Variants in HHIP observed in about 807,000 individuals in gnomAD.
HHIP encodes the protein hedgehog-interacting protein.
In HHIP, 12 loss-of-function variants were observed where a neutral mutation model predicts 74.0. That is an observed-to-expected ratio of 0.16 (90% CI 0.10 to 0.26). The LOEUF (loss-of-function observed/expected upper bound fraction) is 0.26, where lower values mean the gene tolerates loss of function less well. Among genes scored for constraint, HHIP ranks in the 10% least tolerant of loss-of-function variants. The pLI is 1.00. For synonymous variants in HHIP, 309 were observed against 311.6 expected, an observed-to-expected ratio of 0.99 and a Z score of 0.09; for missense variants, 788 against 845.0, an observed-to-expected ratio of 0.93 and a Z score of 0.84.
chr4:144,647,376 T>G (rs1728296535), intron 1 of HHIP: 1 of 164,878 alleles, frequency 6.1e-6, no homozygotes, highest in Non-Finnish European at 1.3e-5. Flanking sequence ...ACGTGCTCGG[T>G]TAGGGAGAGG....
chr4:144,721,607 A>C (rs1730636097), intron 11 of HHIP, among the ~76,000 whole-genome samples: 1 of 152,022 alleles, frequency 6.6e-6, no homozygotes, highest in Admixed American at 6.5e-5. Context: ...AAAAAAAAAA[A>C]AAAAACTTCC....
At chr4:144,650,454 C>T (rs1399695552) in intron 1 of HHIP, among the ~76,000 whole-genome samples, 3 of 151,964 alleles carry the variant, frequency 2.0e-5, no homozygotes, top group Non-Finnish European at 4.4e-5. Flanking sequence ...TTAAGATTGA[C>T]GGCATCATCA....
intron 1 of HHIP, among the ~76,000 whole-genome samples, chr4:144,651,326 G>C (rs1227289687): frequency 6.6e-6 from 1 of 151,924 alleles, no homozygotes; most frequent in Admixed American, 6.6e-5. Context: ...TCCAAAATAT[G>C]ATAACTTCTA....
chr4:144,701,448 C>A (rs1364271435), intron 4 of HHIP, among the ~76,000 whole-genome samples: 2 of 151,586 alleles, frequency 1.3e-5, no homozygotes, highest in Admixed American at 1.3e-4. Flanking sequence ...TTTGACCATG[C>A]ACATTTCTAA....
chr4:144,680,650 A>G (rs747129553), intron 4 of HHIP, among the ~76,000 whole-genome samples: 51 of 152,218 alleles, frequency 3.4e-4, no homozygotes, highest in Non-Finnish European at 5.6e-4. Context: ...TTTGCCATTC[A>G]TTGATGAATT....
intron 4 of HHIP, among the ~76,000 whole-genome samples, chr4:144,680,232 C>T (rs1353096492): frequency 1.3e-5 from 2 of 151,554 alleles, no homozygotes; most frequent in African/African-American, 4.9e-5. Context: ...CCTCACTGTG[C>T]TTTACCAAAA....
chr4:144,715,446 G>A lies in HHIP; in HGVS notation c.1678+16G>A, dbSNP rs1578719592. ...GATGAACTAGGTACTGTACAATCTA[G>A]TTCTGTTAAGTTTCATTCTCACTTC... On this transcript the variant is annotated intron_variant, in intron 10 of 12. Coordinates refer to ENST00000296575, the MANE Select transcript of HHIP (RefSeq NM_022475.3). 6.2e-7 allele frequency: 1 copy of A among 1,603,318 alleles called. No individual in the cohort carries two copies. Among genetic ancestry groups the A allele is most frequent in the African/African-American group, 1.3e-5 (1 of 74,618 alleles).
chr4:144,736,032 A>G (rs112724869), intron 12 of HHIP, among the ~76,000 whole-genome samples: 3,328 of 152,256 alleles, frequency 0.022, 118 homozygotes, highest in African/African-American at 0.075. Context: ...TTGGTTGACC[A>G]AAAATATGAG....
intron 11 of HHIP, among the ~76,000 whole-genome samples, chr4:144,734,434 A>C (rs1052245077): frequency 2.0e-5 from 3 of 152,150 alleles, no homozygotes; most frequent in African/African-American, 7.2e-5. Flanking sequence ...AATTGTTAGA[A>C]ATTCTTACTT....
chr4:144,718,604 A>C (rs182111000), intron 10 of HHIP, among the ~76,000 whole-genome samples: 2 of 152,294 alleles, frequency 1.3e-5, no homozygotes, highest in East Asian at 3.9e-4. Flanking sequence ...GGCAACAGGG[A>C]GCTCAGTTAG....
chr4:144,709,657 C>G (rs1366757494), intron 7 of HHIP, among the ~76,000 whole-genome samples: 1 of 152,132 alleles, frequency 6.6e-6, no homozygotes, highest in African/African-American at 2.4e-5. Context: ...ATAAAGGGAA[C>G]TTTTATTAAG....
chr4:144,685,354 C>T (rs1344776307), intron 4 of HHIP, among the ~76,000 whole-genome samples: 1 of 152,170 alleles, frequency 6.6e-6, no homozygotes, highest in East Asian at 1.9e-4. Flanking sequence ...AAAACCAGGA[C>T]ATACAGTCAC....
intron 4 of HHIP, among the ~76,000 whole-genome samples, chr4:144,668,249 G>A (rs113680558): frequency 1.3e-5 from 2 of 152,044 alleles, no homozygotes; most frequent in African/African-American, 4.8e-5. Flanking sequence ...CCCCGGAGGC[G>A]GAGGTTGCAG....
chr4:144,683,360 G>A (rs917110370), intron 4 of HHIP, among the ~76,000 whole-genome samples: 56 of 152,202 alleles, frequency 3.7e-4, no homozygotes, highest in African/African-American at 1.2e-3. Context: ...AAGAGTTTCT[G>A]AATATAAAAT....
intron 4 of HHIP, among the ~76,000 whole-genome samples, chr4:144,698,736 C>T (rs1170601957): frequency 6.6e-6 from 1 of 152,124 alleles, no homozygotes; most frequent in African/African-American, 2.4e-5. Flanking sequence ...TGGCTGGTTT[C>T]ATCCTCAGGG....
At chr4:144,725,737 C>T (rs965589772) in intron 11 of HHIP, among the ~76,000 whole-genome samples, 14 of 151,960 alleles carry the variant, frequency 9.2e-5, no homozygotes, top group Non-Finnish European at 1.8e-4. Flanking sequence ...GGCACGATCT[C>T]GGCTCACTGC....
chr4:144,673,234 T>C (rs1204096395), intron 4 of HHIP, among the ~76,000 whole-genome samples: 3 of 152,236 alleles, frequency 2.0e-5, no homozygotes, highest in Admixed American at 2.0e-4. Context: ...AGTGGGTCAA[T>C]ACTTGAAAGA....
intron 8 of HHIP, among the ~76,000 whole-genome samples, chr4:144,712,813 T>C (rs1359073147): frequency 6.6e-6 from 1 of 152,140 alleles, no homozygotes; most frequent in Non-Finnish European, 1.5e-5. Flanking sequence ...TCAATACAGA[T>C]ATTTATTTAA....
chr4:144,715,196 T>C (rs1484625213), intron 9 of HHIP, 104 bp from the exon 10 acceptor site: 14 of 1,127,864 alleles, frequency 1.2e-5, no homozygotes, highest in East Asian at 2.5e-5. Context: ...GCCAGGTCTA[T>C]GGCAAAGCAA....
Sources: gnomAD v4.1 joint callset for allele counts (sites outside exome capture counted in the v4.1 genomes callset) on GRCh38, gnomAD v4.1.1 for gene constraint, MANE v1.5 for transcripts, NCBI Gene and HGNC (gene_info 2026-07-23, HGNC 2026-07-21) for gene names.